Variants in ADCY2 observed in about 807,000 individuals in gnomAD.
The protein encoded by ADCY2 is adenylate cyclase type 2.
Under a neutral mutation model 125.2 loss-of-function variants are expected in ADCY2, and 31 were observed. The ratio of observed to expected loss-of-function variants is 0.25; its 90% CI spans 0.19 to 0.33. ADCY2 has a LOEUF of 0.33. Ranked by LOEUF, ADCY2 falls within the 10% of genes least tolerant of loss-of-function variation. The pLI is 1.00. For missense variants in ADCY2, 904 were observed against 1,418.2 expected (o/e 0.64, Z 5.82); for synonymous variants, 512 against 548.4 (o/e 0.93, Z 0.93).
intron 7 of ADCY2, among the ~76,000 whole-genome samples, chr5:7,698,731 G>A (rs1373696235): frequency 6.6e-6 from 1 of 152,160 alleles, no homozygotes; most frequent in South Asian, 2.1e-4. Flanking sequence ...CGTTTTTTAT[G>A]GCTGCATAGT....
intron 3 of ADCY2, among the ~76,000 whole-genome samples, chr5:7,620,836 C>T (rs1304966002): frequency 1.3e-5 from 2 of 151,830 alleles, no homozygotes; most frequent in African/African-American, 4.8e-5. Flanking sequence ...TTGTTTTAAG[C>T]TGATGACCTG....
At chr5:7,817,536 T>G (rs1438691997) in intron 23 of ADCY2, among the ~76,000 whole-genome samples, 1 of 152,082 alleles carries the variant, frequency 6.6e-6, no homozygotes, top group Non-Finnish European at 1.5e-5. Flanking sequence ...TGTTAAAAAA[T>G]AACCTTTAGG....
chr5:7,823,085 A>G (rs987523375), intron 24 of ADCY2, among the ~76,000 whole-genome samples: 3 of 152,068 alleles, frequency 2.0e-5, no homozygotes, highest in African/African-American at 4.8e-5. Flanking sequence ...TATTTACCCC[A>G]TCTCGTTCAT....
chr5:7,722,834 C>T (rs984457892), intron 12 of ADCY2, among the ~76,000 whole-genome samples: 9 of 151,838 alleles, frequency 5.9e-5, no homozygotes, highest in African/African-American at 2.2e-4. Flanking sequence ...CTGGTGTGCA[C>T]CTGTAATCCC....
intron 4 of ADCY2, among the ~76,000 whole-genome samples, chr5:7,646,299 T>A (rs1034536383): frequency 1.3e-5 from 2 of 150,848 alleles, no homozygotes; most frequent in Non-Finnish European, 3.0e-5. Context: ...ACATATTTTC[T>A]AGGAGAACTT....
At chr5:7,726,032 A>C (rs1327495841) in intron 13 of ADCY2, among the ~76,000 whole-genome samples, 1 of 152,186 alleles carries the variant, frequency 6.6e-6, no homozygotes, top group Non-Finnish European at 1.5e-5. Context: ...CACAAGAGCT[A>C]TCAGAAGATA....
At chr5:7,659,291 C>A (rs1739446449) in intron 4 of ADCY2, among the ~76,000 whole-genome samples, 1 of 152,214 alleles carries the variant, frequency 6.6e-6, no homozygotes, top group African/African-American at 2.4e-5. Context: ...ACATACATCT[C>A]TCCAATGCAG....
chr5:7,548,321 A>G (rs1579561616), intron 3 of ADCY2, among the ~76,000 whole-genome samples: 1 of 151,828 alleles, frequency 6.6e-6, no homozygotes, highest in Admixed American at 6.6e-5. Context: ...ATATATTACT[A>G]TAGTATAGAT....
rs372658746 is a variant in ADCY2 at position 7,525,034 on chromosome 5, G to A, written c.570+4135G>A. On this transcript the variant is annotated intron_variant, in intron 3 of 24. Coordinates refer to ENST00000338316, the MANE Select transcript of ADCY2 (RefSeq NM_020546.3). Reference sequence around the variant, plus strand: ...ATTTATTTTTTAGAGATGGAGTCTCGCTCTGTCACCCAGGCTGGAGTGCAG... The same window carrying A: ...ATTTATTTTTTAGAGATGGAGTCTCACTCTGTCACCCAGGCTGGAGTGCAG... 9.2e-5 allele frequency among the ~76,000 whole-genome samples: 14 copies of A among 151,680 alleles called. No individual in the cohort carries two copies. In the East Asian group the frequency reaches 2.1e-3, roughly 23 times the overall value.
At chr5:7,581,852 AG>A in intron 3 of ADCY2, among the ~76,000 whole-genome samples, 1 of 151,972 alleles carries the variant, frequency 6.6e-6, no homozygotes, top group East Asian at 1.9e-4. Flanking sequence ...GAAAAAGAAA[AG>A]AAAAGAAAAA....
chr5:7,407,137 T>G (rs1196364667), intron 1 of ADCY2, among the ~76,000 whole-genome samples: 1 of 152,228 alleles, frequency 6.6e-6, no homozygotes, highest in African/African-American at 2.4e-5. Context: ...GTGTGGCCCA[T>G]TGTCAACGTT....
intron 22 of ADCY2, 137 bp downstream of exon 22, chr5:7,804,829 G>A: frequency 1.6e-6 from 1 of 640,076 alleles, no homozygotes; most frequent in South Asian, 1.9e-5. Context: ...AAGGTCCTAT[G>A]AGAGAAGATG....
chr5:7,812,936 G>C (rs559068847), intron 22 of ADCY2, among the ~76,000 whole-genome samples: 1 of 152,230 alleles, frequency 6.6e-6, no homozygotes, highest in African/African-American at 2.4e-5. Flanking sequence ...AAGGTAGGGC[G>C]TTATTGTCCC....
chr5:7,449,015 A>C (rs1178343583), intron 2 of ADCY2, among the ~76,000 whole-genome samples: 1 of 152,204 alleles, frequency 6.6e-6, no homozygotes, highest in Non-Finnish European at 1.5e-5. Flanking sequence ...TACTGGGTCA[A>C]ATGGTATTTC....
In ADCY2 at chr5:7,497,724, A is replaced by G. The variant is rs563105107; in HGVS notation, c.409-23014A>G. Among the ~76,000 whole-genome samples the G allele has an allele frequency of 1.8e-4, 28 of 152,302 alleles. 2 individuals carry two copies. The South Asian group carries it at 5.8e-3, about 32-fold the overall frequency. On this transcript the variant is annotated intron_variant, in intron 2 of 24. Coordinates refer to ENST00000338316, the MANE Select transcript of ADCY2 (RefSeq NM_020546.3). ...AAACCATGCCCAGGTGGAATTAGGA[A>G]GAAATTGCACCGAAAAAAAAAAGTT...
At chr5:7,704,653 G>A (rs1221697479) in intron 7 of ADCY2, among the ~76,000 whole-genome samples, 1 of 152,112 alleles carries the variant, frequency 6.6e-6, no homozygotes, top group African/African-American at 2.4e-5. Context: ...GCCGAGGCGG[G>A]TGGATCACGA....
rs201781955 is a variant in ADCY2 at position 7,789,815 on chromosome 5, G to T, written c.2628+15G>T. 2.1e-5 allele frequency: 31 copies of T among 1,479,096 alleles called. No individual in the cohort carries two copies. Among genetic ancestry groups the T allele is most frequent in the African/African-American group, 2.9e-5 (2 of 69,926 alleles). The allele number at this position is 1,479,096 out of a possible 1,614,324, so 91.6% of individuals were successfully genotyped here. On this transcript the variant is annotated intron_variant, in intron 20 of 24. Transcript: ENST00000338316. ...TGAAGAATGAGGTCAGACCAGGGGG[G>T]CTGGGGGCTGGGGGAGGGGGCTGGA...
intron 3 of ADCY2, among the ~76,000 whole-genome samples, chr5:7,571,810 C>T (rs762165691): frequency 2.4e-4 from 36 of 152,236 alleles, no homozygotes; most frequent in South Asian, 8.3e-4. Flanking sequence ...CTCCAATAGG[C>T]GCCAGTGTCT....
At chr5:7,624,810 T>A (rs1738069319) in intron 3 of ADCY2, among the ~76,000 whole-genome samples, 1 of 152,104 alleles carries the variant, frequency 6.6e-6, no homozygotes, top group African/African-American at 2.4e-5. Context: ...TATTCGGAAC[T>A]GATGCCACTG....
Sources: gnomAD v4.1 joint callset for allele counts (sites outside exome capture counted in the v4.1 genomes callset) on GRCh38, gnomAD v4.1.1 for gene constraint, MANE v1.5 for transcripts, NCBI Gene and HGNC (gene_info 2026-07-23, HGNC 2026-07-21) for gene names.